The following PRKN variants were observed in gnomAD, a reference collection of about 807,000 sequenced individuals.
The protein encoded by PRKN is E3 ubiquitin-protein ligase parkin.
A neutral mutation model predicts 59.5 loss-of-function variants in PRKN; 56 were observed. The observed-to-expected ratio is 0.94, with a 90% CI of 0.76 to 1.18. The LOEUF (loss-of-function observed/expected upper bound fraction) is 1.18. Ranked by LOEUF, PRKN falls within the 50% of genes most tolerant of loss-of-function variation. The pLI is 0.00. For missense variants in PRKN, 657 were observed against 596.4 expected, an observed-to-expected ratio of 1.10 and a Z score of -1.06; for synonymous variants, 250 against 222.1, an observed-to-expected ratio of 1.13 and a Z score of -1.12.
chr6:162,586,772 AAG>A (rs371112110), intron 1 of PRKN, among the ~76,000 whole-genome samples: 6 of 152,148 alleles, frequency 3.9e-5, no homozygotes, highest in African/African-American at 1.2e-4. Flanking sequence ...GACACAGAAA[AAG>A]AGAGAGAGAG....
chr6:162,103,112 TG>T, intron 4 of PRKN, among the ~76,000 whole-genome samples: 1 of 150,074 alleles, frequency 6.7e-6, no homozygotes, highest in Non-Finnish European at 1.5e-5. Context: ...TAAAATAAAA[TG>T]GTTTTAAAAA....
chr6:161,376,423 C>T lies in PRKN; in HGVS notation c.1167+10371G>A, dbSNP rs1035283602. Among the ~76,000 whole-genome samples the T allele has an allele frequency of 1.3e-5, 2 of 152,218 alleles. No individual in the cohort carries two copies. Among genetic ancestry groups the T allele is most frequent in the African/African-American group, 2.4e-5 (1 of 41,460 alleles). ...CTCTTCCAGCCAATGGCACCACCAT[C>T]GTTCTAAGCTAGACATTCATGCATC... On this transcript the variant is annotated intron_variant, in intron 10 of 11. Transcript: ENST00000366898. This position sits in a 1 kb window ranked among gnomAD's most constrained non-coding sequence, Gnocchi z 7.3.
At position 161,445,264 on chromosome 6, in the gene PRKN, T is replaced by G. The variant is rs6904671; in HGVS notation, c.1084-58387A>C. On this transcript the variant is annotated intron_variant, in intron 9 of 11. Coordinates refer to ENST00000366898, the MANE Select transcript of PRKN (RefSeq NM_004562.3). This position sits in a 1 kb window ranked among gnomAD's most constrained non-coding sequence, Gnocchi z 7.7. ...GGCTGCCTGACCACAAAGACAGGACTGTAAAACATAGACCGCATGTGACCT... is the reference window on the plus strand; with the variant it reads ...GGCTGCCTGACCACAAAGACAGGACGGTAAAACATAGACCGCATGTGACCT... 6.6e-6 allele frequency among the ~76,000 whole-genome samples: 1 copy of G among 151,930 alleles called. No homozygotes were observed. Among genetic ancestry groups the G allele is most frequent in the African/African-American group, 2.4e-5 (1 of 41,346 alleles).
At chr6:162,178,336 A>G (rs544745541) in intron 4 of PRKN, among the ~76,000 whole-genome samples, 2 of 152,324 alleles carry the variant, frequency 1.3e-5, no homozygotes, top group South Asian at 4.1e-4. Context: ...TAATTCAATG[A>G]GCAAATTGTA....
chr6:161,800,225 G>C (rs1791022709), intron 6 of PRKN, among the ~76,000 whole-genome samples: 2 of 152,142 alleles, frequency 1.3e-5, no homozygotes, highest in Non-Finnish European at 2.9e-5. Context: ...AAGCAGTGGA[G>C]AGGGAGAGGC....
At chr6:162,584,105 G>A (rs1055442816) in intron 1 of PRKN, among the ~76,000 whole-genome samples, 3 of 151,908 alleles carry the variant, frequency 2.0e-5, no homozygotes, top group African/African-American at 4.8e-5. Flanking sequence ...CCCAGCTACT[G>A]GGGAGGCTGA....
At chr6:161,880,549 G>A (rs1423263918) in intron 6 of PRKN, among the ~76,000 whole-genome samples, 2 of 152,136 alleles carry the variant, frequency 1.3e-5, no homozygotes, top group East Asian at 1.9e-4. Flanking sequence ...ACATGTCCCC[G>A]GAAAGACAGT....
intron 6 of PRKN, among the ~76,000 whole-genome samples, chr6:161,960,768 G>T (rs112575948): frequency 2.0e-4 from 30 of 152,304 alleles, no homozygotes; most frequent in African/African-American, 6.7e-4. Flanking sequence ...ATGAAAGTCA[G>T]TCTGTGGATT....
intron 4 of PRKN, among the ~76,000 whole-genome samples, chr6:162,111,261 C>G (rs141945486): frequency 3.1e-4 from 47 of 151,994 alleles, no homozygotes; most frequent in African/African-American, 1.0e-3. Context: ...GTCAGGAGAT[C>G]GAGACCATCC....
chr6:162,442,540 G>A (rs1411172095), intron 2 of PRKN, among the ~76,000 whole-genome samples: 8 of 152,306 alleles, frequency 5.3e-5, no homozygotes, highest in Admixed American at 2.0e-4. Flanking sequence ...CACCTCACCA[G>A]TCCCCCTAAT....
At chr6:162,257,407 A>T (rs1027178201) in intron 3 of PRKN, among the ~76,000 whole-genome samples, 1 of 152,184 alleles carries the variant, frequency 6.6e-6, no homozygotes, top group African/African-American at 2.4e-5. Flanking sequence ...GACTCTTCAA[A>T]AAGGTCCATT....
chr6:161,984,372 C>G (rs1458700272), intron 5 of PRKN, among the ~76,000 whole-genome samples: 2 of 152,164 alleles, frequency 1.3e-5, no homozygotes, highest in African/African-American at 4.8e-5. Flanking sequence ...ATTCTCCTGC[C>G]TCAGCCTCCC....
rs1269858881 is a variant in PRKN at position 161,552,464 on chromosome 6, A to G, written c.934-3461T>C. Among the ~76,000 whole-genome samples the G allele has an allele frequency of 4.1e-4, 22 of 53,148 alleles. 2 individuals carry two copies. The highest frequency in any genetic ancestry group is 1.2e-3 in the African/African-American group (21 of 16,930). The allele number at this position is 53,148 out of a possible 152,430, so 34.9% of individuals were successfully genotyped here. ...CCCTCAGCTCTGTTCACCTCCGCCT[A>G]TGACTGTGAATGATCTCACGGTGAT... On this transcript the variant is annotated intron_variant, in intron 8 of 11. Coordinates refer to ENST00000366898, the MANE Select transcript of PRKN (RefSeq NM_004562.3). The surrounding 1 kb of genome is among the most constrained non-coding windows in gnomAD (Gnocchi z 4.9).
At chr6:162,177,432 G>GT (rs1262097361) in intron 4 of PRKN, among the ~76,000 whole-genome samples, 1 of 152,090 alleles carries the variant, frequency 6.6e-6, no homozygotes, top group Non-Finnish European at 1.5e-5. Flanking sequence ...TTGGTTAAGT[G>GT]TTATATAATG....
chr6:162,590,702 A>G (rs1479661006), intron 1 of PRKN, among the ~76,000 whole-genome samples: 1 of 152,190 alleles, frequency 6.6e-6, no homozygotes, highest in African/African-American at 2.4e-5. Flanking sequence ...AAACACTGAC[A>G]TAACCTACAG....
chr6:162,326,477 A>C (rs560706079), intron 2 of PRKN, among the ~76,000 whole-genome samples: 2 of 152,296 alleles, frequency 1.3e-5, no homozygotes, highest in South Asian at 4.1e-4. Context: ...CTATAATCTC[A>C]TATAAAACTA....
chr6:162,511,314 G>C (rs1777606163), intron 1 of PRKN, among the ~76,000 whole-genome samples: 1 of 151,810 alleles, frequency 6.6e-6, no homozygotes, highest in South Asian at 2.1e-4. Flanking sequence ...AACATGAAAT[G>C]CAATTATGCC....
At chr6:162,509,524 A>G (rs1777497392) in intron 1 of PRKN, among the ~76,000 whole-genome samples, 1 of 152,222 alleles carries the variant, frequency 6.6e-6, no homozygotes, top group African/African-American at 2.4e-5. Context: ...TCTCTCAGGT[A>G]AATCATGCAT....
intron 1 of PRKN, among the ~76,000 whole-genome samples, chr6:162,656,128 C>A (rs1056278488): frequency 5.9e-5 from 9 of 152,256 alleles, no homozygotes; most frequent in Non-Finnish European, 1.2e-4. Context: ...TACAACAGTA[C>A]CAAGCACATA....
Sources: allele counts gnomAD v4.1 joint callset (sites outside exome capture counted in the v4.1 genomes callset), GRCh38; gene constraint gnomAD v4.1.1; non-coding constraint Gnocchi (gnomAD v3.1); transcripts MANE v1.5; gene names NCBI Gene and HGNC (gene_info 2026-07-23, HGNC 2026-07-21).